Variants in CNTN5 observed in about 807,000 individuals in gnomAD.
The protein encoded by CNTN5 is contactin 5.
In CNTN5, 77 loss-of-function variants were observed where a neutral mutation model predicts 129.1. That is an observed-to-expected ratio of 0.60 (90% confidence interval 0.50 to 0.72). CNTN5 has a LOEUF of 0.72. Ranked by LOEUF, CNTN5 falls within the 30% of genes least tolerant of loss-of-function variation. CNTN5 has a pLI of 0.00. For synonymous variants in CNTN5, 509 were observed against 465.6 expected (o/e 1.09, Z -1.20); for missense variants, 1,478 against 1,328.8 (o/e 1.11, Z -1.75).
At chr11:99,715,056 G>A (rs1955161649) in intron 3 of CNTN5, among the ~76,000 whole-genome samples, 1 of 151,926 alleles carries the variant, frequency 6.6e-6, no homozygotes, top group East Asian at 1.9e-4. Flanking sequence ...TTAGGAGTGT[G>A]TTAGGAATGA....
intron 21 of CNTN5, among the ~76,000 whole-genome samples, chr11:100,333,408 G>GAAAAAAAAAAAA (rs547220238): frequency 5.4e-5 from 4 of 74,282 alleles, no homozygotes; most frequent in African/African-American, 1.6e-4. Context: ...CACTGAATTA[G>GAAAAAAAAAAAA]AAAAAAAAAA....
intron 2 of CNTN5, among the ~76,000 whole-genome samples, chr11:99,445,902 G>A (rs1719629928): frequency 6.6e-6 from 1 of 151,854 alleles, no homozygotes; most frequent in Admixed American, 6.6e-5. Context: ...TGACAAACAT[G>A]GTGAAACTCT....
At chr11:99,021,613 G>T (rs902187448) in intron 1 of CNTN5, among the ~76,000 whole-genome samples, 35 of 152,268 alleles carry the variant, frequency 2.3e-4, no homozygotes, top group African/African-American at 8.4e-4. Flanking sequence ...TTCTACAAAA[G>T]AAACTAAATG....
At chr11:100,077,773 G>C (rs1036125154) in intron 13 of CNTN5, among the ~76,000 whole-genome samples, 2 of 151,980 alleles carry the variant, frequency 1.3e-5, no homozygotes, top group Non-Finnish European at 2.9e-5. Flanking sequence ...AGCCTGGGTG[G>C]TTTAGCTGAG....
At chr11:99,086,786 G>A (rs1418392396) in intron 1 of CNTN5, among the ~76,000 whole-genome samples, 58 of 152,130 alleles carry the variant, frequency 3.8e-4, no homozygotes, top group Non-Finnish European at 1.5e-5. Context: ...TGAATTTGAT[G>A]TTCTGATACT....
intron 6 of CNTN5, among the ~76,000 whole-genome samples, chr11:99,882,426 A>T (rs1383181649): frequency 6.6e-6 from 1 of 152,108 alleles, no homozygotes; most frequent in African/African-American, 2.4e-5. Flanking sequence ...AATAAAAGAG[A>T]TTTGGTTTAA....
chr11:99,396,425 T>G (rs1240356989), intron 2 of CNTN5, among the ~76,000 whole-genome samples: 1 of 151,578 alleles, frequency 6.6e-6, no homozygotes, highest in East Asian at 1.9e-4. Flanking sequence ...TAATAAAAAA[T>G]TATGTTATTT....
At chr11:99,500,135 CAG>C (rs1946374601) in intron 2 of CNTN5, among the ~76,000 whole-genome samples, 1 of 83,986 alleles carries the variant, frequency 1.2e-5, no homozygotes, top group African/African-American at 3.6e-5. Flanking sequence ...ATGAAAAAAA[CAG>C]AGGCAAAACA....
chr11:99,106,882 T>C (rs1234345844), intron 1 of CNTN5, among the ~76,000 whole-genome samples: 2 of 152,080 alleles, frequency 1.3e-5, no homozygotes, highest in Non-Finnish European at 2.9e-5. Context: ...TATAAAATTG[T>C]TTAATAAGGA....
intron 1 of CNTN5, among the ~76,000 whole-genome samples, chr11:99,047,253 T>G (rs1015622830): frequency 7.2e-5 from 11 of 151,922 alleles, no homozygotes; most frequent in Non-Finnish European, 1.6e-4. Context: ...AAGAACTTAC[T>G]ATCTTCATAG....
At chr11:99,797,884 TA>T (rs1945995923) in intron 3 of CNTN5, among the ~76,000 whole-genome samples, 1 of 152,152 alleles carries the variant, frequency 6.6e-6, no homozygotes, top group African/African-American at 2.4e-5. Flanking sequence ...TGTGAAATTA[TA>T]AATTGTACCA....
chr11:99,615,352 T>C (rs902598631), intron 3 of CNTN5, among the ~76,000 whole-genome samples: 1 of 152,132 alleles, frequency 6.6e-6, no homozygotes, highest in Non-Finnish European at 1.5e-5. Context: ...TTTTTCTTTA[T>C]AAAATCACAA....
chr11:99,823,030 C>T (rs1001432528), intron 4 of CNTN5, among the ~76,000 whole-genome samples: 1 of 152,174 alleles, frequency 6.6e-6, no homozygotes, highest in Non-Finnish European at 1.5e-5. Context: ...CAGTTCAACA[C>T]CCCTAAGGAA....
At chr11:99,532,535 A>C (rs1036395593) in intron 2 of CNTN5, among the ~76,000 whole-genome samples, 2 of 152,068 alleles carry the variant, frequency 1.3e-5, no homozygotes, top group Non-Finnish European at 2.9e-5. Flanking sequence ...CCATGTCTCC[A>C]CTCAAATCTC....
chr11:100,028,580 G>A (rs1353263533), intron 9 of CNTN5, among the ~76,000 whole-genome samples: 1 of 152,082 alleles, frequency 6.6e-6, no homozygotes, highest in Non-Finnish European at 1.5e-5. Flanking sequence ...TTTCTGAAAC[G>A]CCATCCAAGA....
At position 100,074,218 on chromosome 11, in the gene CNTN5, G is replaced by C. The variant is rs1244540015; in HGVS notation, c.1504G>C (p.Glu502Gln). Residue 502 changes from glutamate (E) to glutamine (Q), a missense_variant, in exon 13 of 25, where the codon GAG becomes CAG. Coordinates refer to ENST00000524871, the MANE Select transcript of CNTN5 (RefSeq NM_014361.4). Reference protein sequence around the residue: ...IVTKDQEVVIECKPQGSPKPT... With the variant: ...IVTKDQEVVIQCKPQGSPKPT... ...TACCAAAGACCAAGAAGTTGTCATAGAGTGCAAACCCCAAGGCTCTCCAAA... is the reference window on the plus strand; with the variant it reads ...TACCAAAGACCAAGAAGTTGTCATACAGTGCAAACCCCAAGGCTCTCCAAA... The C allele has an allele frequency of 6.2e-7, 1 of 1,612,006 alleles. No homozygotes were observed. The highest frequency in any genetic ancestry group is 1.3e-5 in the African/African-American group (1 of 74,880).
At chr11:100,322,091 C>T (rs1347128774) in intron 21 of CNTN5, among the ~76,000 whole-genome samples, 2 of 152,130 alleles carry the variant, frequency 1.3e-5, no homozygotes, top group East Asian at 3.9e-4. Context: ...TTTCACTATC[C>T]TGACTTCTAA....
chr11:99,244,845 C>T (rs1861737524), intron 1 of CNTN5, among the ~76,000 whole-genome samples: 1 of 152,266 alleles, frequency 6.6e-6, no homozygotes, highest in Middle Eastern at 3.4e-3. Context: ...AAGTACCTCT[C>T]TCCTATTCCT....
intron 1 of CNTN5, among the ~76,000 whole-genome samples, chr11:99,317,065 C>T (rs1865373286): frequency 6.6e-6 from 1 of 152,150 alleles, no homozygotes; most frequent in East Asian, 1.9e-4. Flanking sequence ...TTAAAACTGA[C>T]TTCAGTTGGC....
Sources: allele counts gnomAD v4.1 joint callset (sites outside exome capture counted in the v4.1 genomes callset), GRCh38; gene constraint gnomAD v4.1.1; transcripts MANE v1.5; gene names NCBI Gene and HGNC (gene_info 2026-07-23, HGNC 2026-07-21).